The following CCDC178 variants were observed in gnomAD, a reference collection of about 807,000 sequenced individuals.
The protein encoded by CCDC178 is coiled-coil domain-containing protein 178.
Under a neutral mutation model 117.4 loss-of-function variants are expected in CCDC178, and 126 were observed. The ratio of observed to expected loss-of-function variants is 1.07; its 90% CI spans 0.93 to 1.24. The LOEUF is 1.24. Among genes scored for constraint, CCDC178 ranks in the 50% most tolerant of loss-of-function variants. CCDC178 has a pLI of 0.00. For missense variants in CCDC178, 1,030 were observed against 986.9 expected, an observed-to-expected ratio of 1.04 and a Z score of -0.59; for synonymous variants, 283 against 313.4, an observed-to-expected ratio of 0.90 and a Z score of 1.02.
At chr18:33,006,048 T>G (rs2055742549) in intron 21 of CCDC178, among the ~76,000 whole-genome samples, 1 of 152,074 alleles carries the variant, frequency 6.6e-6, no homozygotes, top group South Asian at 2.1e-4. Context: ...AATTTACAAT[T>G]TATCAGTTAT....
At chr18:33,040,633 A>G (rs897469033) in intron 21 of CCDC178, among the ~76,000 whole-genome samples, 2 of 151,994 alleles carry the variant, frequency 1.3e-5, no homozygotes, top group African/African-American at 4.8e-5. Context: ...CAAGCCATTT[A>G]GGAAGGAAAG....
chr18:33,029,330 T>C (rs150608597), intron 21 of CCDC178, among the ~76,000 whole-genome samples: 171 of 152,000 alleles, frequency 1.1e-3, no homozygotes, highest in Non-Finnish European at 1.8e-3. Flanking sequence ...CTTACATTCC[T>C]TTTCATTTTT....
In CCDC178 at chr18:33,175,511, T is replaced by C. The variant is rs148687812; in HGVS notation, c.2238+36385A>G. ...GTCCCCCTCCATGCCCAACTCTCAT[T>C]ATTGCAGATTTTAATTCATATATCT... On this transcript the variant is annotated intron_variant, in intron 20 of 22. Transcript: ENST00000383096. Among the ~76,000 whole-genome samples the C allele has an allele frequency of 2.9e-3, 438 of 152,196 alleles. 2 individuals carry two copies. Among genetic ancestry groups the C allele is most frequent in the Non-Finnish European group, 4.9e-3 (334 of 68,014 alleles).
intron 2 of CCDC178, among the ~76,000 whole-genome samples, chr18:33,436,421 G>C (rs551645114): frequency 6.6e-6 from 1 of 152,170 alleles, no homozygotes; most frequent in South Asian, 2.1e-4. Flanking sequence ...GAAAGAGCTA[G>C]ACATGAAGTG....
intron 21 of CCDC178, among the ~76,000 whole-genome samples, chr18:33,019,836 C>T (rs2056073404): frequency 6.6e-6 from 1 of 151,518 alleles, no homozygotes; most frequent in Admixed American, 6.6e-5. Context: ...GTCTATTATA[C>T]ATCTAAATAC....
At chr18:33,244,032 GAAGATATGATTAACCCATTC>G (rs1278707753) in intron 15 of CCDC178, among the ~76,000 whole-genome samples, 3 of 151,842 alleles carry the variant, frequency 2.0e-5, no homozygotes, top group Non-Finnish European at 4.4e-5. Flanking sequence ...TTATCTCATA[GAAGATATGATTAACCCATTC>G]AACACCCATT....
At chr18:33,151,115 T>C (rs938684406) in intron 20 of CCDC178, among the ~76,000 whole-genome samples, 2 of 152,112 alleles carry the variant, frequency 1.3e-5, no homozygotes, top group Non-Finnish European at 2.9e-5. Flanking sequence ...GGGTGAGAGA[T>C]AAAAGACTAT....
intron 7 of CCDC178, among the ~76,000 whole-genome samples, chr18:33,353,134 T>A (rs77665676): frequency 0.075 from 11,465 of 152,116 alleles, 507 homozygotes; most frequent in Non-Finnish European, 0.093. Context: ...CTTGGTGGAA[T>A]GACACTTTTA....
At chr18:33,117,652 C>T (rs775362192) in intron 20 of CCDC178, among the ~76,000 whole-genome samples, 24 of 151,802 alleles carry the variant, frequency 1.6e-4, no homozygotes, top group Middle Eastern at 3.4e-3. Flanking sequence ...AGCACACCAA[C>T]ATGGCACATG....
chr18:33,000,365 A>G (rs2055605837), intron 21 of CCDC178, among the ~76,000 whole-genome samples: 1 of 152,174 alleles, frequency 6.6e-6, no homozygotes, highest in Non-Finnish European at 1.5e-5. Flanking sequence ...CAAAAAAGAC[A>G]AAATAAGTAT....
intron 20 of CCDC178, among the ~76,000 whole-genome samples, chr18:33,157,883 C>T (rs2058419922): frequency 6.6e-6 from 1 of 152,138 alleles, no homozygotes; most frequent in South Asian, 2.1e-4. Context: ...ACTTGTCATG[C>T]ATCTTGCCAA....
At chr18:33,382,731 A>G (rs570174764) in intron 5 of CCDC178, among the ~76,000 whole-genome samples, 1 of 152,268 alleles carries the variant, frequency 6.6e-6, no homozygotes, top group Admixed American at 6.5e-5. Flanking sequence ...CTGGGTCTCA[A>G]GCACAAAACT....
At chr18:33,339,771 T>C (rs1228789105) in intron 9 of CCDC178, among the ~76,000 whole-genome samples, 1 of 152,070 alleles carries the variant, frequency 6.6e-6, no homozygotes, top group Non-Finnish European at 1.5e-5. Context: ...CTTCCTCATT[T>C]TTCTCTTGCC....
chr18:33,157,200 T>C (rs2058411172), intron 20 of CCDC178, among the ~76,000 whole-genome samples: 1 of 152,214 alleles, frequency 6.6e-6, no homozygotes, highest in Non-Finnish European at 1.5e-5. Flanking sequence ...GATACATTTT[T>C]AATATCTGTG....
In CCDC178 at chr18:33,346,155, T is replaced by G. The variant is rs148798139; in HGVS notation, c.658+56A>C. ...TTTTTAAAAATATACAGACCTGTAA[T>G]TAATTATCTGTGCCCCCAACAGAAT... On this transcript the variant is annotated intron_variant, in intron 9 of 22. Coordinates refer to ENST00000383096, the MANE Select transcript of CCDC178 (RefSeq NM_001105528.4). 1,350 of 1,330,218 alleles carry G rather than the reference T, an allele frequency of 1.0e-3. 1 individual carries two copies. Among genetic ancestry groups the G allele is most frequent in the Non-Finnish European group, 1.3e-3 (1,256 of 944,952 alleles). 82.4% of individuals were successfully genotyped at this position (1,330,218 alleles called of 1,614,324 possible). A position where few individuals can be genotyped will look rare whatever the true frequency, so the allele number is the denominator to read the frequency against.
intron 3 of CCDC178, 29 bp from the exon 4 acceptor site, chr18:33,397,237 A>G: frequency 6.9e-7 from 1 of 1,456,298 alleles, no homozygotes; most frequent in Admixed American, 1.8e-5. Flanking sequence ...AACAAAATAA[A>G]ATATCTGCTT....
intron 20 of CCDC178, among the ~76,000 whole-genome samples, chr18:33,123,516 A>C (rs2057963912): frequency 6.6e-6 from 1 of 152,204 alleles, no homozygotes; most frequent in Non-Finnish European, 1.5e-5. Flanking sequence ...GAAAAATAAC[A>C]GAAAAGAAAT....
intron 9 of CCDC178, 84 bp downstream of exon 9, chr18:33,346,127 A>G (rs1429410412): frequency 1.8e-6 from 2 of 1,096,712 alleles, no homozygotes; most frequent in Non-Finnish European, 2.6e-6. Flanking sequence ...CACTAAGACA[A>G]TTTTTTTAAA....
chr18:33,159,759 T>A (rs1476124166), intron 20 of CCDC178, among the ~76,000 whole-genome samples: 1 of 152,138 alleles, frequency 6.6e-6, no homozygotes, highest in South Asian at 2.1e-4. Flanking sequence ...AGGGCACCAT[T>A]ATTTAGTCTA....
Sources: gnomAD v4.1 joint callset for allele counts (sites outside exome capture counted in the v4.1 genomes callset) on GRCh38, gnomAD v4.1.1 for gene constraint, MANE v1.5 for transcripts, NCBI Gene and HGNC (gene_info 2026-07-23, HGNC 2026-07-21) for gene names.